Variants in WDR49 observed in about 807,000 individuals in gnomAD.
WDR49 encodes the protein cilia- and flagella-associated protein 337.
Under a neutral mutation model 119.5 loss-of-function variants are expected in WDR49, and 107 were observed. That is an observed-to-expected ratio of 0.90 (90% CI 0.77 to 1.05). The LOEUF is 1.05. Ranked by LOEUF, WDR49 falls within the 50% of genes least tolerant of loss-of-function variation. The pLI, the probability that WDR49 is intolerant of heterozygous loss-of-function variation, is 0.00. For missense variants in WDR49, 1,240 were observed against 1,220.5 expected (o/e 1.02, Z -0.24); for synonymous variants, 425 against 418.8 (o/e 1.01, Z -0.18).
chr3:167,505,467 G>C, intron 16 of WDR49, 51 bp from the exon 17 acceptor site: 1 of 1,447,810 alleles, frequency 6.9e-7, no homozygotes, highest in Non-Finnish European at 9.0e-7. Flanking sequence ...CAGGGATGGA[G>C]AAACTCTTTC....
intron 5 of WDR49, among the ~76,000 whole-genome samples, chr3:167,609,800 G>A (rs1320148874): frequency 1.3e-5 from 2 of 152,160 alleles, no homozygotes; most frequent in East Asian, 1.9e-4. Flanking sequence ...TTTCACTTGA[G>A]GAGAGGAGAG....
chr3:167,597,959 G>A (rs1055604898), intron 7 of WDR49, among the ~76,000 whole-genome samples: 2 of 152,128 alleles, frequency 1.3e-5, no homozygotes, highest in African/African-American at 4.8e-5. Flanking sequence ...GTTAATATTG[G>A]AATGAGTTAA....
chr3:167,648,439 G>A (rs1246514324), intron 2 of WDR49, among the ~76,000 whole-genome samples: 1 of 152,176 alleles, frequency 6.6e-6, no homozygotes, highest in Non-Finnish European at 1.5e-5. Flanking sequence ...CCTAAGTTAA[G>A]CATAGTTGTA....
At chr3:167,538,333 A>G (rs944752618) in intron 10 of WDR49, among the ~76,000 whole-genome samples, 1 of 152,170 alleles carries the variant, frequency 6.6e-6, no homozygotes, top group Non-Finnish European at 1.5e-5. Flanking sequence ...AAATATGGTT[A>G]ATAGACCAAC....
rs1752699076 is a variant in WDR49, at chr3:167,528,029, G to C, written c.2407-12C>G. ...TTAAGACAGTACTCCTGAATGAAAA[G>C]AAATACCAGAACTCTAAAAAATTCA... On this transcript the variant is annotated splice_polypyrimidine_tract_variant and intron_variant, in intron 14 of 18. Transcript: ENST00000682715. The C allele has an allele frequency of 1.2e-6, 2 of 1,600,882 alleles. No individual in the cohort carries two copies. Among genetic ancestry groups the C allele is most frequent in the African/African-American group, 2.7e-5 (2 of 74,484 alleles).
chr3:167,563,256 A>G (rs1214326120), intron 8 of WDR49, among the ~76,000 whole-genome samples: 1 of 148,038 alleles, frequency 6.8e-6, no homozygotes, highest in Non-Finnish European at 1.5e-5. Flanking sequence ...CAGGAGGCTG[A>G]GGCAGGAGAA....
chr3:167,625,674 A>G (rs1289820732), intron 3 of WDR49, among the ~76,000 whole-genome samples: 1 of 152,076 alleles, frequency 6.6e-6, no homozygotes, highest in Non-Finnish European at 1.5e-5. Flanking sequence ...TCTCAGGAAG[A>G]GGAAGAACCA....
At chr3:167,542,275 A>G (rs1361484701) in intron 10 of WDR49, among the ~76,000 whole-genome samples, 1 of 152,152 alleles carries the variant, frequency 6.6e-6, no homozygotes, top group Non-Finnish European at 1.5e-5. Flanking sequence ...ACTATACCCT[A>G]GAACAAATGG....
chr3:167,541,702 C>G (rs2108253455), intron 10 of WDR49, among the ~76,000 whole-genome samples: 1 of 152,164 alleles, frequency 6.6e-6, no homozygotes, highest in South Asian at 2.1e-4. Context: ...CCTCACGTCT[C>G]AATACTAACA....
intron 7 of WDR49, among the ~76,000 whole-genome samples, chr3:167,601,165 C>T (rs879460788): frequency 7.2e-5 from 11 of 152,096 alleles, no homozygotes; most frequent in Non-Finnish European, 1.5e-4. Context: ...AACTGATAAA[C>T]ATTTTGATGG....
At chr3:167,579,119 G>A (rs1272480263) in intron 7 of WDR49, among the ~76,000 whole-genome samples, 1 of 151,968 alleles carries the variant, frequency 6.6e-6, no homozygotes, top group South Asian at 2.1e-4. Flanking sequence ...TGCCATAATT[G>A]TATATTCCTG....
chr3:167,607,372 C>T (rs755204378), intron 5 of WDR49, among the ~76,000 whole-genome samples: 6 of 152,192 alleles, frequency 3.9e-5, no homozygotes, highest in Non-Finnish European at 2.9e-5. Flanking sequence ...TGAGCCCCAA[C>T]AGTACGTTTC....
chr3:167,537,924 T>C (rs887653213), intron 10 of WDR49, among the ~76,000 whole-genome samples: 5 of 152,170 alleles, frequency 3.3e-5, no homozygotes, highest in Admixed American at 3.3e-4. Flanking sequence ...TTAGTTGTCC[T>C]ACCAGTGTTA....
At chr3:167,519,155 G>T (rs190764764) in intron 16 of WDR49, among the ~76,000 whole-genome samples, 5 of 152,108 alleles carry the variant, frequency 3.3e-5, no homozygotes, top group Admixed American at 6.6e-5. Context: ...AGAGAGATAC[G>T]AATGCTTTTG....
At chr3:167,632,901 C>G (rs1371586250) in intron 2 of WDR49, among the ~76,000 whole-genome samples, 3 of 151,988 alleles carry the variant, frequency 2.0e-5, no homozygotes, top group African/African-American at 7.2e-5. Context: ...ATAACAAATT[C>G]CTAGTGCTGT....
intron 8 of WDR49, 67 bp downstream of exon 8, chr3:167,575,851 A>G: frequency 6.6e-7 from 1 of 1,507,144 alleles, no homozygotes; most frequent in Non-Finnish European, 9.1e-7. Context: ...CTTAAACTGA[A>G]TTAAGTAAAT....
intron 2 of WDR49, among the ~76,000 whole-genome samples, chr3:167,649,810 A>G (rs1221774010): frequency 6.6e-6 from 1 of 152,174 alleles, no homozygotes; most frequent in Non-Finnish European, 1.5e-5. Context: ...TTAAAGCTAA[A>G]GATTTAGTAG....
At chr3:167,621,684 G>T in intron 3 of WDR49, 41 bp from the exon 4 acceptor site, 1 of 1,478,002 alleles carries the variant, frequency 6.8e-7, no homozygotes, top group Non-Finnish European at 9.0e-7. Flanking sequence ...AATTCTGATG[G>T]ATTTAGCAAA....
At chr3:167,578,171 C>T (rs183788640) in intron 7 of WDR49, among the ~76,000 whole-genome samples, 15 of 152,272 alleles carry the variant, frequency 9.9e-5, no homozygotes, top group Admixed American at 2.6e-4. Flanking sequence ...TCAGATCTCA[C>T]TACCACCTAC....
Sources: gnomAD v4.1 joint callset for allele counts (sites outside exome capture counted in the v4.1 genomes callset) on GRCh38, gnomAD v4.1.1 for gene constraint, MANE v1.5 for transcripts, NCBI Gene and HGNC (gene_info 2026-07-23, HGNC 2026-07-21) for gene names.